DLG2: variants seen among roughly 807,000 people sequenced by gnomAD.
The protein encoded by DLG2 is disks large homolog 2.
DLG2 carries 45 observed loss-of-function variants against 132.5 expected under a neutral mutation model. The ratio of observed to expected loss-of-function variants is 0.34; its 90% confidence interval spans 0.27 to 0.44. DLG2 has a LOEUF of 0.44. Ranked by LOEUF, DLG2 falls within the 20% of genes least tolerant of loss-of-function variation. The pLI, the probability that DLG2 is intolerant of heterozygous loss-of-function variation, is 1.00. For missense variants in DLG2, 1,045 were observed against 1,196.9 expected, an observed-to-expected ratio of 0.87 and a Z score of 1.87; for synonymous variants, 424 against 419.6, an observed-to-expected ratio of 1.01 and a Z score of -0.13.
At chr11:84,257,679 ATT>A (rs1172548999) in intron 7 of DLG2, among the ~76,000 whole-genome samples, 1,415 of 105,828 alleles carry the variant, frequency 0.013, 12 homozygotes, top group African/African-American at 0.046. Flanking sequence ...TTATCTCTGG[ATT>A]TTTTTTTTTT....
chr11:85,499,487 T>A (rs181774611), intron 3 of DLG2, among the ~76,000 whole-genome samples: 1 of 152,250 alleles, frequency 6.6e-6, no homozygotes, highest in Non-Finnish European at 1.5e-5. Flanking sequence ...CAGGACCAGA[T>A]GGATTTACAG....
intron 6 of DLG2, among the ~76,000 whole-genome samples, chr11:84,962,759 C>G (rs908985227): frequency 1.3e-5 from 2 of 152,144 alleles, no homozygotes; most frequent in African/African-American, 4.8e-5. Context: ...AAAGAAATAG[C>G]AGTAGTAGTG....
chr11:84,502,175 T>TC lies in DLG2; in HGVS notation c.519+32394_519+32395insG, dbSNP rs1491237246. 6.9e-4 allele frequency among the ~76,000 whole-genome samples: 24 copies of TC among 34,970 alleles called. 2 individuals are homozygous for TC. The highest frequency in any genetic ancestry group is 1.3e-3 in the Non-Finnish European group (21 of 16,264). 22.9% of individuals were successfully genotyped at this position (34,970 alleles called of 152,430 possible). A position where few individuals can be genotyped will look rare whatever the true frequency, so the allele number is the denominator to read the frequency against. ...CTTCCTTCCTTTCTCTCTCTCTCTCTTTCTCTCTCTTTCTCTCTCTCTCTC... is the reference window on the plus strand; with the variant it reads ...CTTCCTTCCTTTCTCTCTCTCTCTCTCTTCTCTCTCTTTCTCTCTCTCTCTC... On this transcript the variant is annotated intron_variant, in intron 7 of 27. Transcript: ENST00000376104.
At chr11:84,013,814 C>T (rs1465505805) in intron 11 of DLG2, among the ~76,000 whole-genome samples, 2 of 134,770 alleles carry the variant, frequency 1.5e-5, no homozygotes, top group Non-Finnish European at 3.0e-5. Context: ...TTGCAGTGAG[C>T]TGAGTTTGCA....
chr11:84,534,900 C>T, intron 6 of DLG2, 169 bp from the exon 7 acceptor site: 1 of 781,448 alleles, frequency 1.3e-6, no homozygotes, highest in Non-Finnish European at 2.3e-6. Flanking sequence ...TAGACCAGGT[C>T]AAATGCAAGC....
chr11:84,062,718 T>C (rs1315344027), intron 10 of DLG2, among the ~76,000 whole-genome samples: 1 of 144,870 alleles, frequency 6.9e-6, no homozygotes, highest in Non-Finnish European at 1.5e-5. Context: ...ACTCAGACAC[T>C]CAGAGTTGAT....
intron 6 of DLG2, among the ~76,000 whole-genome samples, chr11:85,094,650 C>T (rs904838476): frequency 6.6e-6 from 1 of 152,144 alleles, no homozygotes; most frequent in African/African-American, 2.4e-5. Flanking sequence ...AAACTTAGGG[C>T]CTTGCTCTGG....
At chr11:84,263,320 G>A (rs1028240342) in intron 7 of DLG2, among the ~76,000 whole-genome samples, 1 of 152,096 alleles carries the variant, frequency 6.6e-6, no homozygotes, top group Non-Finnish European at 1.5e-5. Context: ...AGGACATTAA[G>A]AAAAGCATGC....
rs115416312 is a variant in DLG2, at chr11:83,794,644, C to T, written c.1723-7852G>A. 5.2e-3 allele frequency among the ~76,000 whole-genome samples: 785 copies of T among 152,024 alleles called. 10 individuals are homozygous for T. Among genetic ancestry groups the T allele is most frequent in the African/African-American group, 0.018 (743 of 41,456 alleles). ...TTAATTGAGCATCAGGTATGTACAT[C>T]AGAGATAGTTATATATTATTTCATT... On this transcript the variant is annotated intron_variant, in intron 17 of 27. Transcript: ENST00000376104.
chr11:83,620,323 AT>A (rs1720257280), intron 19 of DLG2, among the ~76,000 whole-genome samples: 1 of 152,232 alleles, frequency 6.6e-6, no homozygotes, highest in Admixed American at 6.5e-5. Flanking sequence ...CTTTTTGCAT[AT>A]CAATTATATC....
chr11:85,169,962 A>T (rs1362212198), intron 4 of DLG2, among the ~76,000 whole-genome samples: 1 of 152,216 alleles, frequency 6.6e-6, no homozygotes, highest in Non-Finnish European at 1.5e-5. Flanking sequence ...ATAAAAACAC[A>T]TACATGTATC....
chr11:83,721,252 G>C (rs1031915459), intron 18 of DLG2, among the ~76,000 whole-genome samples: 1 of 152,152 alleles, frequency 6.6e-6, no homozygotes, highest in Non-Finnish European at 1.5e-5. Flanking sequence ...TCATTTAACA[G>C]ACCCTTACTA....
At chr11:85,363,076 G>C (rs963295307) in intron 3 of DLG2, among the ~76,000 whole-genome samples, 1 of 152,212 alleles carries the variant, frequency 6.6e-6, no homozygotes, top group Non-Finnish European at 1.5e-5. Context: ...GTGAACAAAA[G>C]AGTGTTGTGA....
At chr11:85,456,548 G>T (rs1412386140) in intron 3 of DLG2, among the ~76,000 whole-genome samples, 1 of 151,990 alleles carries the variant, frequency 6.6e-6, no homozygotes, top group African/African-American at 2.4e-5. Context: ...AGTTTCTCAA[G>T]GTGTGATGTT....
intron 3 of DLG2, among the ~76,000 whole-genome samples, chr11:85,407,452 A>C (rs1157355157): frequency 6.6e-6 from 1 of 151,834 alleles, no homozygotes; most frequent in Non-Finnish European, 1.5e-5. Flanking sequence ...TTCCTACATG[A>C]AATAAGAATC....
At chr11:83,583,409 G>T (rs915338858) in intron 19 of DLG2, among the ~76,000 whole-genome samples, 5 of 152,182 alleles carry the variant, frequency 3.3e-5, no homozygotes, top group African/African-American at 9.7e-5. Context: ...ATTATTAGGG[G>T]CAGTGTGGCA....
chr11:85,453,044 T>C (rs1389288774), intron 3 of DLG2: 1 of 189,400 alleles, frequency 5.3e-6, no homozygotes, highest in Non-Finnish European at 1.1e-5. Context: ...CCCCCGGCTT[T>C]TCACCAAACA....
intron 3 of DLG2, among the ~76,000 whole-genome samples, chr11:85,552,095 G>GA (rs764172663): frequency 0.029 from 1,868 of 64,188 alleles, 27 homozygotes; most frequent in African/African-American, 0.049. Context: ...GGACTTAAAA[G>GA]AAAAAAAAAA....
intron 17 of DLG2, among the ~76,000 whole-genome samples, chr11:83,818,401 C>G (rs191133770): frequency 3.9e-4 from 60 of 152,254 alleles, no homozygotes; most frequent in Middle Eastern, 6.8e-3. Context: ...CCTCAGAATA[C>G]CTGGTGAGGT....
Sources: allele counts gnomAD v4.1 joint callset (sites outside exome capture counted in the v4.1 genomes callset), GRCh38; gene constraint gnomAD v4.1.1; transcripts MANE v1.5; gene names NCBI Gene and HGNC (gene_info 2026-07-23, HGNC 2026-07-21).